The following CDH12 variants were observed in gnomAD, a reference collection of about 807,000 sequenced individuals.
CDH12 encodes cadherin-12.
CDH12 carries 41 observed loss-of-function variants against 74.1 expected under a neutral mutation model. The observed-to-expected ratio is 0.55, with a 90% CI of 0.43 to 0.72. The LOEUF (loss-of-function observed/expected upper bound fraction) is 0.72. Ranked by LOEUF, CDH12 falls within the 30% of genes least tolerant of loss-of-function variation. CDH12 has a pLI of 0.00. For synonymous variants in CDH12, 399 were observed against 355.0 expected, an observed-to-expected ratio of 1.12 and a Z score of -1.39; for missense variants, 945 against 977.2, an observed-to-expected ratio of 0.97 and a Z score of 0.44.
intron 5 of CDH12, among the ~76,000 whole-genome samples, chr5:22,017,186 T>TA (rs1189185344): frequency 6.6e-6 from 1 of 152,082 alleles, no homozygotes; most frequent in Non-Finnish European, 1.5e-5. Flanking sequence ...CTTTTGTTCC[T>TA]ACTCCTTTGT....
intron 11 of CDH12, among the ~76,000 whole-genome samples, chr5:21,772,665 T>G (rs992643743): frequency 5.3e-5 from 8 of 152,148 alleles, no homozygotes; most frequent in Admixed American, 2.0e-4. Context: ...TCTATTCCTA[T>G]AGTAATTGAT....
chr5:21,878,829 AAAG>A (rs1158378190), intron 6 of CDH12, among the ~76,000 whole-genome samples: 1 of 150,934 alleles, frequency 6.6e-6, no homozygotes, highest in Non-Finnish European at 1.5e-5. Context: ...AGAGAAAAGA[AAAG>A]AAAAGAAAGA....
chr5:22,508,725 A>G (rs1172077936), intron 1 of CDH12, among the ~76,000 whole-genome samples: 1 of 152,110 alleles, frequency 6.6e-6, no homozygotes, highest in East Asian at 1.9e-4. Context: ...AAATGTTTAA[A>G]TTTACCTACA....
intron 6 of CDH12, among the ~76,000 whole-genome samples, chr5:21,952,780 A>G (rs1166599122): frequency 6.6e-6 from 1 of 150,842 alleles, no homozygotes; most frequent in Admixed American, 6.6e-5. Flanking sequence ...CCAAATTCCT[A>G]TTTAAAGAAA....
intron 1 of CDH12, among the ~76,000 whole-genome samples, chr5:22,520,204 G>C (rs986385649): frequency 6.6e-6 from 1 of 151,960 alleles, no homozygotes; most frequent in African/African-American, 2.4e-5. Flanking sequence ...GCCACAATGT[G>C]AATAGTGATT....
At chr5:22,521,073 G>A (rs1463633228) in intron 1 of CDH12, among the ~76,000 whole-genome samples, 1 of 151,400 alleles carries the variant, frequency 6.6e-6, no homozygotes, top group Non-Finnish European at 1.5e-5. Context: ...GAGAGGAGAT[G>A]CTGTATTTCA....
intron 1 of CDH12, among the ~76,000 whole-genome samples, chr5:22,609,882 G>A (rs1737307823): frequency 6.6e-6 from 1 of 152,210 alleles, no homozygotes; most frequent in African/African-American, 2.4e-5. Context: ...GTAGTTAAAA[G>A]AGGTAAAGCC....
chr5:22,314,028 CA>C (rs1738502925), intron 3 of CDH12, among the ~76,000 whole-genome samples: 2 of 152,100 alleles, frequency 1.3e-5, no homozygotes, highest in African/African-American at 4.8e-5. Flanking sequence ...GGGTTGACGG[CA>C]GAAAGTGGAA....
chr5:22,664,884 A>G (rs1252701098), intron 1 of CDH12, among the ~76,000 whole-genome samples: 1 of 152,220 alleles, frequency 6.6e-6, no homozygotes, highest in Non-Finnish European at 1.5e-5. Context: ...TTTGATTTCA[A>G]TGTAGCAAAA....
At chr5:22,141,235 C>T (rs1207504760) in intron 4 of CDH12, 2 of 152,170 alleles carry the variant, frequency 1.3e-5, no homozygotes, top group Non-Finnish European at 2.9e-5. Context: ...TGGCATGATT[C>T]TCTCTCACTG....
chr5:22,014,524 A>G lies in CDH12; in HGVS notation c.232-39139T>C, dbSNP rs533625738. Among the ~76,000 whole-genome samples the G allele has an allele frequency of 2.0e-5, 3 of 152,260 alleles. No individual in the cohort carries two copies. The South Asian group carries it at 6.2e-4, about 32-fold the overall frequency. On this transcript the variant is annotated intron_variant, in intron 5 of 14. Coordinates refer to ENST00000382254, the MANE Select transcript of CDH12 (RefSeq NM_004061.5). ...TCTATATAATATGTAATGAAGGTTG[A>G]TAGACATAACCTTTTCTTGATGGTG...
intron 8 of CDH12, among the ~76,000 whole-genome samples, chr5:21,824,024 C>T (rs1159704032): frequency 6.6e-6 from 1 of 152,036 alleles, no homozygotes; most frequent in Admixed American, 6.6e-5. Flanking sequence ...ATTCTAAAAA[C>T]ATAGATTTGG....
chr5:22,486,268 T>C (rs143518113), intron 2 of CDH12, among the ~76,000 whole-genome samples: 17 of 152,278 alleles, frequency 1.1e-4, no homozygotes, highest in Non-Finnish European at 2.4e-4. Flanking sequence ...CTTCAGAACA[T>C]TGTGGTCCTA....
chr5:22,673,012 T>C (rs369908736), intron 1 of CDH12, among the ~76,000 whole-genome samples: 39 of 152,238 alleles, frequency 2.6e-4, no homozygotes, highest in African/African-American at 9.4e-4. Context: ...ATTTGGGGCA[T>C]TTTTCTTTTC....
At chr5:22,203,891 C>G (rs1481884101) in intron 4 of CDH12, among the ~76,000 whole-genome samples, 1 of 152,024 alleles carries the variant, frequency 6.6e-6, no homozygotes, top group African/African-American at 2.4e-5. Context: ...TTGTATGTCC[C>G]CCTTTTGAGA....
intron 1 of CDH12, among the ~76,000 whole-genome samples, chr5:22,573,492 C>A (rs186353437): frequency 1.6e-3 from 247 of 152,080 alleles, no homozygotes; most frequent in African/African-American, 5.8e-3. Flanking sequence ...AGCACACACA[C>A]AAAAAATAAT....
intron 3 of CDH12, among the ~76,000 whole-genome samples, chr5:22,214,202 C>T (rs1751703627): frequency 1.3e-5 from 2 of 152,056 alleles, no homozygotes; most frequent in Admixed American, 1.3e-4. Flanking sequence ...GGTACTCATC[C>T]TACTCTGAAA....
At chr5:21,771,347 G>A (rs1745314656) in intron 11 of CDH12, among the ~76,000 whole-genome samples, 2 of 152,190 alleles carry the variant, frequency 1.3e-5, no homozygotes, top group East Asian at 3.9e-4. Flanking sequence ...AATGATATAG[G>A]TTGACACAGG....
chr5:21,884,779 T>A (rs1752540222), intron 6 of CDH12, among the ~76,000 whole-genome samples: 1 of 152,176 alleles, frequency 6.6e-6, no homozygotes, highest in Admixed American at 6.5e-5. Context: ...TAAAAAAAAG[T>A]GATGTATTAG....
Sources: gnomAD v4.1 joint callset for allele counts (sites outside exome capture counted in the v4.1 genomes callset) on GRCh38, gnomAD v4.1.1 for gene constraint, MANE v1.5 for transcripts, NCBI Gene and HGNC (gene_info 2026-07-23, HGNC 2026-07-21) for gene names.